DAB1: variants seen among roughly 807,000 people sequenced by gnomAD.
DAB1 encodes disabled homolog 1.
A neutral mutation model predicts 64.6 loss-of-function variants in DAB1; 15 were observed. The observed-to-expected ratio is 0.23, with a 90% CI of 0.16 to 0.36. DAB1 has a LOEUF of 0.36. Ranked by LOEUF, DAB1 falls within the 10% of genes least tolerant of loss-of-function variation. The pLI, the probability that DAB1 is intolerant of heterozygous loss-of-function variation, is 1.00. For missense variants in DAB1, 596 were observed against 706.7 expected (o/e 0.84, Z 1.78); for synonymous variants, 235 against 251.9 (o/e 0.93, Z 0.64).
intron 5 of DAB1, among the ~76,000 whole-genome samples, chr1:58,119,132 T>G: frequency 6.6e-6 from 1 of 152,174 alleles, no homozygotes; most frequent in Non-Finnish European, 1.5e-5. Context: ...ACTATTTTAA[T>G]AGTAGCAAGC....
intron 4 of DAB1, among the ~76,000 whole-genome samples, chr1:58,227,086 T>C (rs1313100563): frequency 6.6e-6 from 1 of 152,218 alleles, no homozygotes; most frequent in Non-Finnish European, 1.5e-5. Context: ...CCCAAGACAG[T>C]AGAGCTGGCT....
intron 2 of DAB1, among the ~76,000 whole-genome samples, chr1:57,265,132 C>A (rs1349172323): frequency 6.6e-6 from 1 of 152,162 alleles, no homozygotes; most frequent in Non-Finnish European, 1.5e-5. Flanking sequence ...TCCTGGTACC[C>A]CAGTGGGCTC....
chr1:57,422,296 G>T (rs926255169), intron 1 of DAB1, among the ~76,000 whole-genome samples: 1 of 152,198 alleles, frequency 6.6e-6, no homozygotes, highest in Non-Finnish European at 1.5e-5. Context: ...AAGAAACGAC[G>T]GCGCGGATTC....
intron 3 of DAB1, among the ~76,000 whole-genome samples, chr1:58,416,523 T>C (rs1157828573): frequency 2.0e-5 from 3 of 152,206 alleles, no homozygotes; most frequent in Non-Finnish European, 4.4e-5. Context: ...CAGGCAGCTA[T>C]GAGCACTTGA....
chr1:57,905,504 T>C (rs533319203), intron 5 of DAB1, among the ~76,000 whole-genome samples: 11 of 152,264 alleles, frequency 7.2e-5, no homozygotes, highest in East Asian at 3.9e-4. Flanking sequence ...GGTGTGTTAA[T>C]GTGCCAAGAT....
chr1:57,403,398 T>C (rs1158093897), intron 1 of DAB1, among the ~76,000 whole-genome samples: 1 of 152,218 alleles, frequency 6.6e-6, no homozygotes, highest in Non-Finnish European at 1.5e-5. Flanking sequence ...AAACAGTTGA[T>C]GGAGCTCTTG....
At chr1:57,567,509 A>T (rs1570634521) in intron 7 of DAB1, among the ~76,000 whole-genome samples, 2 of 152,320 alleles carry the variant, frequency 1.3e-5, no homozygotes, top group African/African-American at 4.8e-5. Flanking sequence ...AGATGACATC[A>T]TTGTATATTT....
intron 5 of DAB1, among the ~76,000 whole-genome samples, chr1:58,132,496 C>G (rs1291527969): frequency 6.6e-6 from 1 of 152,152 alleles, no homozygotes; most frequent in African/African-American, 2.4e-5. Context: ...CGGGGCCAAT[C>G]TTTTTCAAAA....
intron 4 of DAB1, among the ~76,000 whole-genome samples, chr1:58,190,858 G>A (rs1001017357): frequency 1.3e-5 from 2 of 152,232 alleles, no homozygotes; most frequent in Non-Finnish European, 2.9e-5. Context: ...ATTCCAAGGC[G>A]GAGAACCGTG....
chr1:57,068,723 C>T (rs898501069), intron 8 of DAB1, among the ~76,000 whole-genome samples: 2 of 152,204 alleles, frequency 1.3e-5, no homozygotes, highest in African/African-American at 4.8e-5. Flanking sequence ...TTCGCCTTCA[C>T]ACCCATGCCT....
intron 2 of DAB1, among the ~76,000 whole-genome samples, chr1:57,279,963 G>A (rs1671762538): frequency 6.6e-6 from 1 of 152,164 alleles, no homozygotes; most frequent in South Asian, 2.1e-4. Flanking sequence ...ATTGGAACCT[G>A]TAGGAGGACA....
intron 6 of DAB1, among the ~76,000 whole-genome samples, chr1:57,767,898 C>T (rs951342056): frequency 7.3e-5 from 11 of 151,534 alleles, no homozygotes; most frequent in African/African-American, 1.2e-4. Flanking sequence ...AGGTGCTGGC[C>T]GGGGGTGGTA....
At chr1:58,218,989 T>TTCTCTCTCTCTCTCTCTCTCTC (rs1049058578) in intron 4 of DAB1, among the ~76,000 whole-genome samples, 7 of 125,846 alleles carry the variant, frequency 5.6e-5, no homozygotes, top group African/African-American at 2.0e-4. Context: ...ATTCTGGCCA[T>TTCTCTCTCTCTCTCTCTCTCTC]TCTCTCTCTC....
At chr1:57,547,885 T>C (rs1644872833) in intron 7 of DAB1, among the ~76,000 whole-genome samples, 1 of 152,162 alleles carries the variant, frequency 6.6e-6, no homozygotes, top group South Asian at 2.1e-4. Context: ...TTATCCAAAA[T>C]TGAAAGTTTA....
At position 57,965,794 on chromosome 1, in the gene DAB1, C is replaced by T. The variant is rs985637380; in HGVS notation, n.388-81632G>A. Among the ~76,000 whole-genome samples, 3 of 152,048 alleles carry T rather than the reference C, an allele frequency of 2.0e-5. No homozygotes were observed. In the East Asian group the frequency reaches 5.8e-4, roughly 29 times the overall value. On this transcript the variant is annotated intron_variant and non_coding_transcript_variant, in intron 5 of 20. Transcript: ENST00000485760. ...GCTCACAATCTTTAGGGGAGGTAGA[C>T]AGGTAAATGGAGAGCAGCTGTGCAG...
intron 4 of DAB1, among the ~76,000 whole-genome samples, chr1:58,256,926 T>C (rs11207180): frequency 0.087 from 13,265 of 152,286 alleles, 606 homozygotes; most frequent in African/African-American, 0.12. Context: ...CATATGCTGA[T>C]TTGCGCCATC....
chr1:57,788,846 T>C (rs1392172917), intron 6 of DAB1, among the ~76,000 whole-genome samples: 4 of 152,150 alleles, frequency 2.6e-5, no homozygotes, highest in African/African-American at 4.8e-5. Flanking sequence ...AATTGGCAGC[T>C]GGAACTCAGT....
intron 9 of DAB1, among the ~76,000 whole-genome samples, chr1:57,038,564 A>G (rs528990947): frequency 6.6e-6 from 1 of 152,280 alleles, no homozygotes; most frequent in African/African-American, 2.4e-5. Flanking sequence ...CGTTGCCTCT[A>G]ATTACTCCAA....
chr1:57,496,533 T>G (rs1644232733), intron 7 of DAB1, among the ~76,000 whole-genome samples: 1 of 152,198 alleles, frequency 6.6e-6, no homozygotes, highest in African/African-American at 2.4e-5. Context: ...CCACGTCTTC[T>G]GATTGGCATG....
Sources: allele counts gnomAD v4.1 joint callset (sites outside exome capture counted in the v4.1 genomes callset), GRCh38; gene constraint gnomAD v4.1.1; transcripts MANE v1.5; gene names NCBI Gene and HGNC (gene_info 2026-07-23, HGNC 2026-07-21).